The following PLEKHH2 variants were observed in gnomAD, a reference collection of about 807,000 sequenced individuals.
The protein encoded by PLEKHH2 is pleckstrin homology, MyTH4 and FERM domain containing H2.
PLEKHH2 carries 129 observed loss-of-function variants against 187.9 expected under a neutral mutation model. The observed-to-expected ratio is 0.69, with a 90% CI of 0.59 to 0.79. The LOEUF (loss-of-function observed/expected upper bound fraction) is 0.79, where lower values mean the gene tolerates loss of function less well. PLEKHH2 is among the 30% of genes least tolerant of loss of function. The pLI, the probability that PLEKHH2 is intolerant of heterozygous loss-of-function variation, is 0.00. For missense variants in PLEKHH2, 2,076 were observed against 1,751.2 expected, an observed-to-expected ratio of 1.19 and a Z score of -3.31; for synonymous variants, 686 against 605.6, an observed-to-expected ratio of 1.13 and a Z score of -1.95.
rs1052362514 is a variant in PLEKHH2, at chr2:43,731,666, GA to G, written c.2943+71del. ...ATACTTATATGTTGTTAAATAATTG[GA>G]AAAAAATTAAAAATAACATTTTGGG... On this transcript the variant is annotated intron_variant, in intron 19 of 29. Coordinates refer to ENST00000282406, the MANE Select transcript of PLEKHH2 (RefSeq NM_172069.4). 1.1e-4 allele frequency: 120 copies of G among 1,054,056 alleles called. 1 individual carries two copies. In the African/African-American group the frequency reaches 1.9e-3, roughly 16 times the overall value. The allele number at this position is 1,054,056 out of a possible 1,614,324, so 65.3% of individuals were successfully genotyped here. A position where few individuals can be genotyped will look rare whatever the true frequency, so the allele number is the denominator to read the frequency against.
intron 2 of PLEKHH2, among the ~76,000 whole-genome samples, chr2:43,671,999 C>G (rs1459409660): frequency 6.6e-6 from 1 of 152,132 alleles, no homozygotes; most frequent in African/African-American, 2.4e-5. Flanking sequence ...TCTATTCATT[C>G]TTCTATACAT....
chr2:43,763,137 C>G (rs1267204223), intron 28 of PLEKHH2, among the ~76,000 whole-genome samples: 1 of 152,024 alleles, frequency 6.6e-6, no homozygotes, highest in East Asian at 1.9e-4. Flanking sequence ...TTCTGAGTGC[C>G]TTTTAGTTTT....
intron 16 of PLEKHH2, among the ~76,000 whole-genome samples, chr2:43,721,676 AGGAGTTTG>A (rs1442435596): frequency 6.6e-6 from 1 of 152,234 alleles, no homozygotes; most frequent in African/African-American, 2.4e-5. Flanking sequence ...GTTTGAGCCC[AGGAGTTTG>A]AGACCAGCCT....
chr2:43,718,044 C>G (rs1670297481), intron 15 of PLEKHH2, among the ~76,000 whole-genome samples: 1 of 152,130 alleles, frequency 6.6e-6, no homozygotes, highest in East Asian at 1.9e-4. Context: ...TGTGCAGTGG[C>G]AAGGGCTAAT....
At chr2:43,685,303 C>A (rs1393825867) in intron 3 of PLEKHH2, among the ~76,000 whole-genome samples, 1 of 152,204 alleles carries the variant, frequency 6.6e-6, no homozygotes, top group Non-Finnish European at 1.5e-5. Flanking sequence ...CTTTGTTTAT[C>A]AATGAATGGC....
chr2:43,710,336 T>G lies in PLEKHH2; in HGVS notation c.2214+6T>G, dbSNP rs1485275703. 4 of 1,611,526 alleles carry G rather than the reference T, an allele frequency of 2.5e-6. No homozygotes were observed. Among genetic ancestry groups the G allele is most frequent in the Non-Finnish European group, 3.4e-6 (4 of 1,177,786 alleles). On this transcript the variant is annotated splice_donor_region_variant and intron_variant, in intron 13 of 29. Coordinates refer to ENST00000282406, the MANE Select transcript of PLEKHH2 (RefSeq NM_172069.4). ...TACTTTACTACAAATCTCCGGTGAG[T>G]GGAAAGTGTTTTCTGTTTAGAACGT... is the stretch of plus-strand genomic sequence containing the variant.
intron 26 of PLEKHH2, among the ~76,000 whole-genome samples, chr2:43,758,149 TA>T (rs1206035866): frequency 6.6e-6 from 1 of 152,240 alleles, no homozygotes; most frequent in Non-Finnish European, 1.5e-5. Flanking sequence ...CTTGCCTTTG[TA>T]ATTTGATTTG....
intron 2 of PLEKHH2, among the ~76,000 whole-genome samples, chr2:43,670,169 A>G (rs551380672): frequency 1.9e-4 from 29 of 152,346 alleles, no homozygotes; most frequent in African/African-American, 6.5e-4. Context: ...TTATATCATT[A>G]GGAGAATAAA....
chr2:43,671,707 C>A (rs892084359), intron 2 of PLEKHH2, among the ~76,000 whole-genome samples: 4 of 152,088 alleles, frequency 2.6e-5, no homozygotes, highest in Non-Finnish European at 5.9e-5. Flanking sequence ...CTTCATCTAT[C>A]GAAATGATAT....
intron 6 of PLEKHH2, among the ~76,000 whole-genome samples, 167 bp downstream of exon 6, chr2:43,695,391 T>C (rs1669036096): frequency 6.6e-6 from 1 of 152,226 alleles, no homozygotes; most frequent in East Asian, 1.9e-4. Flanking sequence ...CGAGTGAATG[T>C]TGGGCCTGAA....
At position 43,687,908 on chromosome 2, in the gene PLEKHH2, C is replaced by T. The variant is rs113852448; in HGVS notation, c.187-4606C>T. Among the ~76,000 whole-genome samples the T allele has an allele frequency of 5.2e-3, 791 of 152,126 alleles. 7 individuals are homozygous for T. The highest frequency in any genetic ancestry group is 0.018 in the African/African-American group (754 of 41,504). ...ACCTCTCAGGCTCAAGTGATTCTCC[C>T]ACTTCGGCCTTTTGAGTAGCTGGGA... On this transcript the variant is annotated intron_variant, in intron 3 of 29. Coordinates refer to ENST00000282406, the MANE Select transcript of PLEKHH2 (RefSeq NM_172069.4).
chr2:43,692,262 A>G, intron 3 of PLEKHH2: 1 of 277,328 alleles, frequency 3.6e-6, no homozygotes, highest in Non-Finnish European at 6.7e-6. Flanking sequence ...CGCTCTAGGA[A>G]ACATGTACAT....
At chr2:43,681,241 T>C in intron 3 of PLEKHH2, 1 of 657,150 alleles carries the variant, frequency 1.5e-6, no homozygotes. Flanking sequence ...CGATCTTTTT[T>C]CCAATTACAA....
chr2:43,695,178 C>T lies in PLEKHH2; in HGVS notation c.456C>T (p.Asn152=). The T allele has an allele frequency of 6.2e-7, 1 of 1,600,026 alleles. No individual in the cohort carries two copies. Among genetic ancestry groups the T allele is most frequent in the Non-Finnish European group, 8.5e-7 (1 of 1,171,252 alleles). Residue 152 remains asparagine (N), a synonymous_variant, in exon 6 of 30, where the codon AAC becomes AAT. Coordinates refer to ENST00000282406, the MANE Select transcript of PLEKHH2 (RefSeq NM_172069.4). ...AGAATCAGAATCTTCGTTTGATCAACCAAAACCAAACTGAAGAGATAAGAA... is the reference window on the plus strand; with the variant it reads ...AGAATCAGAATCTTCGTTTGATCAATCAAAACCAAACTGAAGAGATAAGAA... ...ELENQNLRLI[N]QNQTEEIRTM...
At chr2:43,704,895 A>T (rs1160133028) in intron 9 of PLEKHH2, among the ~76,000 whole-genome samples, 1 of 152,136 alleles carries the variant, frequency 6.6e-6, no homozygotes, top group Non-Finnish European at 1.5e-5. Context: ...GGGGACTCAA[A>T]TACACTCAAC....
intron 3 of PLEKHH2, among the ~76,000 whole-genome samples, chr2:43,687,127 T>C (rs930980439): frequency 1.3e-5 from 2 of 152,186 alleles, no homozygotes; most frequent in African/African-American, 4.8e-5. Flanking sequence ...CAATAGTTTT[T>C]CAGCCCATGT....
rs183435620 is a variant in PLEKHH2, at chr2:43,700,684, G to T, written c.1650+76G>T. 9.3e-6 allele frequency: 14 copies of T among 1,497,882 alleles called. No homozygotes were observed. The African/African-American group carries it at 9.8e-5, about 10-fold the overall frequency. The allele number at this position is 1,497,882 out of a possible 1,614,324, so 92.8% of individuals were successfully genotyped here. A position where few individuals can be genotyped will look rare whatever the true frequency, so the allele number is the denominator to read the frequency against. ...CTTTTTTTTTCTGGGAGGGAGTCTC[G>T]CTCTGTCGCCCAAGCTGGAGTGCAG... On this transcript the variant is annotated intron_variant, in intron 8 of 29. Coordinates refer to ENST00000282406, the MANE Select transcript of PLEKHH2 (RefSeq NM_172069.4).
At chr2:43,655,681 C>G (rs1666718596) in intron 2 of PLEKHH2, among the ~76,000 whole-genome samples, 2 of 152,180 alleles carry the variant, frequency 1.3e-5, no homozygotes, top group South Asian at 4.1e-4. Context: ...AAACGACCTA[C>G]TTTGAAAGCC....
At position 43,638,666 on chromosome 2, in the gene PLEKHH2, C is replaced by T. The variant is rs186114148; in HGVS notation, c.-4+1287C>T. The stretch of plus-strand genomic sequence containing the variant: ...TGTGGTATTTTCTTTATTTAGCAGT[C>T]GGCTATGTTATATAGTTATATATAT... On this transcript the variant is annotated intron_variant, in intron 1 of 29. Transcript: ENST00000282406. Among the ~76,000 whole-genome samples, 30 of 152,140 alleles carry T rather than the reference C, an allele frequency of 2.0e-4. No homozygotes were observed. The East Asian group carries it at 3.9e-3, about 20-fold the overall frequency.
Sources: allele counts gnomAD v4.1 joint callset (sites outside exome capture counted in the v4.1 genomes callset), GRCh38; gene constraint gnomAD v4.1.1; transcripts MANE v1.5; gene names NCBI Gene and HGNC (gene_info 2026-07-23, HGNC 2026-07-21).